Variants in CPS1 observed in about 807,000 individuals in gnomAD.
CPS1 encodes carbamoyl-phosphate synthase [ammonia], mitochondrial.
A neutral mutation model predicts 174.6 loss-of-function variants in CPS1; 109 were observed. The ratio of observed to expected loss-of-function variants is 0.62; its 90% CI spans 0.53 to 0.73. CPS1 has a LOEUF of 0.73. CPS1 is among the 30% of genes least tolerant of loss of function. CPS1 has a pLI of 0.00. For synonymous variants in CPS1, 637 were observed against 632.0 expected, an observed-to-expected ratio of 1.01 and a Z score of -0.12; for missense variants, 1,689 against 1,821.9, an observed-to-expected ratio of 0.93 and a Z score of 1.33.
intron 1 of CPS1, among the ~76,000 whole-genome samples, chr2:210,484,950 C>G (rs928525163): frequency 6.6e-6 from 1 of 151,926 alleles, no homozygotes; most frequent in African/African-American, 2.4e-5. Context: ...AGATCTTGGC[C>G]AGGCATGGTG....
intron 1 of CPS1, among the ~76,000 whole-genome samples, chr2:210,529,472 T>C (rs568160488): frequency 1.3e-5 from 2 of 152,180 alleles, no homozygotes; most frequent in Admixed American, 1.3e-4. Context: ...GGAAAGGTTT[T>C]TTCATTTACC....
chr2:210,497,002 C>G (rs1458082935), intron 1 of CPS1, among the ~76,000 whole-genome samples: 1 of 152,118 alleles, frequency 6.6e-6, no homozygotes, highest in Non-Finnish European at 1.5e-5. Flanking sequence ...GAATGGAAAT[C>G]TTTTAACTGA....
intron 1 of CPS1, among the ~76,000 whole-genome samples, chr2:210,567,285 T>G (rs139345666): frequency 0.016 from 2,432 of 152,198 alleles, 53 homozygotes; most frequent in African/African-American, 0.055. Context: ...ATACCAACAT[T>G]TACTGAATGC....
chr2:210,673,636 G>A (rs1701396479), intron 34 of CPS1: 1 of 152,110 alleles, frequency 6.6e-6, no homozygotes, highest in South Asian at 2.1e-4. Context: ...GTAAGGGCAG[G>A]AATCTAGTTT....
At position 210,556,768 on chromosome 2, in the gene CPS1, G is replaced by A; in HGVS notation, c.35G>A (p.Arg12Lys). Residue 12 changes from arginine (R) to lysine (K), a missense_variant, in exon 1 of 38, where the codon AGG becomes AAG. By Grantham distance (26) the Arg-to-Lys change is conservative. Coordinates refer to ENST00000233072, the MANE Select transcript of CPS1 (RefSeq NM_001875.5). ...TRILTAFKVV[R>K]TLKTGFGFTN... ...ATTTTGACAGCTTTCAAAGTGGTGAGGACACTGAAGACTGGTTTTGGCTTT... is the reference window on the plus strand; with the variant it reads ...ATTTTGACAGCTTTCAAAGTGGTGAAGACACTGAAGACTGGTTTTGGCTTT... 6.2e-7 allele frequency: 1 copy of A among 1,613,006 alleles called. No homozygotes were observed. The highest frequency in any genetic ancestry group is 1.1e-5 in the South Asian group (1 of 91,066).
At chr2:210,593,812 A>G (rs1368947954) in intron 11 of CPS1, 3 of 314,888 alleles carry the variant, frequency 9.5e-6, no homozygotes, top group Non-Finnish European at 1.4e-5. Context: ...AATAGCCAAA[A>G]TCAGTATTAT....
At chr2:210,676,319 A>G (rs1424268949) in intron 36 of CPS1, among the ~76,000 whole-genome samples, 2 of 152,190 alleles carry the variant, frequency 1.3e-5, no homozygotes, top group Non-Finnish European at 2.9e-5. Flanking sequence ...GCCTTAGACC[A>G]TGTCATCATT....
Position 210,608,450 on chromosome 2 carries a change from GT to G in CPS1, c.2286del (p.Phe762LeufsTer31). On this transcript the variant is annotated frameshift_variant, in exon 19 of 38. Transcript: ENST00000233072. LOFTEE classifies it high-confidence loss of function. Reference sequence around the variant, plus strand: ...GTCGTATCCGGGAAGACATCAGCCTGTTTTGAACCTAGCCTGGATTACATGG... The same window carrying G: ...GTCGTATCCGGGAAGACATCAGCCTGTTTGAACCTAGCCTGGATTACATGG... ...KNVVSGKTSA[C>X]FEPSLDYMVT... 6.2e-7 allele frequency: 1 copy of G among 1,612,554 alleles called. No homozygotes were observed. Among genetic ancestry groups the G allele is most frequent in the Non-Finnish European group, 8.5e-7 (1 of 1,179,002 alleles).
intron 1 of CPS1, among the ~76,000 whole-genome samples, chr2:210,498,674 T>G (rs1695066466): frequency 6.6e-6 from 1 of 152,154 alleles, no homozygotes; most frequent in African/African-American, 2.4e-5. Context: ...CAGAGATCTA[T>G]CTAGGCATGG....
chr2:210,505,689 C>T (rs986318951), intron 1 of CPS1, among the ~76,000 whole-genome samples: 3 of 152,214 alleles, frequency 2.0e-5, no homozygotes, highest in African/African-American at 7.2e-5. Flanking sequence ...CACTCCCACC[C>T]TAACACTTTG....
chr2:210,595,309 A>G (rs1698448383), intron 12 of CPS1, among the ~76,000 whole-genome samples, 178 bp from the exon 13 acceptor site: 1 of 151,890 alleles, frequency 6.6e-6, no homozygotes, highest in African/African-American at 2.4e-5. Flanking sequence ...GTCACATTGA[A>G]ATCAGAGATG....
intron 1 of CPS1, among the ~76,000 whole-genome samples, chr2:210,535,148 CTG>C (rs1434672058): frequency 2.0e-5 from 3 of 152,174 alleles, no homozygotes; most frequent in Non-Finnish European, 4.4e-5. Flanking sequence ...AAAATAGACT[CTG>C]AAACTCTAGG....
Position 210,582,656 on chromosome 2 carries a change from G to A in CPS1, c.568G>A (p.Val190Met). Residue 190 changes from valine (V) to methionine (M), a missense_variant, in exon 6 of 38, where the codon GTG (valine) becomes ATG (methionine). Val to Met is a conservative substitution (Grantham distance 21). Transcript: ENST00000233072. ...GAAGATTGAATTTGAAGGTCAGCCT[G>A]TGGATTTTGTGGATCCAAATAAACA... Reference protein sequence around the residue: ...LGKIEFEGQPVDFVDPNKQNL... With the variant: ...LGKIEFEGQPMDFVDPNKQNL... The A allele has an allele frequency of 6.2e-7, 1 of 1,613,436 alleles. No homozygotes were observed. The highest frequency in any genetic ancestry group is 8.5e-7 in the Non-Finnish European group (1 of 1,179,532).
At chr2:210,545,764 G>T (rs1008809701) in intron 1 of CPS1, among the ~76,000 whole-genome samples, 7 of 152,028 alleles carry the variant, frequency 4.6e-5, no homozygotes, top group African/African-American at 1.7e-4. Flanking sequence ...TTTGCTCAGT[G>T]TTGATCATCA....
At chr2:210,480,890 T>C (rs1694551602) in intron 1 of CPS1, among the ~76,000 whole-genome samples, 1 of 152,194 alleles carries the variant, frequency 6.6e-6, no homozygotes, top group Non-Finnish European at 1.5e-5. Flanking sequence ...TTCTGTTTCG[T>C]TCATAGTACA....
intron 21 of CPS1, among the ~76,000 whole-genome samples, chr2:210,630,303 G>A (rs956968914): frequency 3.3e-5 from 5 of 151,948 alleles, no homozygotes; most frequent in Non-Finnish European, 5.9e-5. Context: ...TTAAAGATTA[G>A]CAAAAAAGAA....
At chr2:210,489,252 A>G (rs1478650886) in intron 1 of CPS1, among the ~76,000 whole-genome samples, 4 of 152,208 alleles carry the variant, frequency 2.6e-5, no homozygotes, top group Non-Finnish European at 4.4e-5. Context: ...CTTCTCTCCT[A>G]TCTCCTAATG....
chr2:210,545,815 CT>C (rs2106019115), intron 1 of CPS1, among the ~76,000 whole-genome samples: 1 of 152,032 alleles, frequency 6.6e-6, no homozygotes, highest in Admixed American at 6.6e-5. Flanking sequence ...AAGTGTAATT[CT>C]TTTTGTTCTC....
At chr2:210,487,782 T>C (rs1054020609) in intron 1 of CPS1, among the ~76,000 whole-genome samples, 4 of 152,330 alleles carry the variant, frequency 2.6e-5, no homozygotes, top group African/African-American at 9.6e-5. Flanking sequence ...ATAGTAAATT[T>C]ACCTTTGCAC....
Sources: gnomAD v4.1 joint callset for allele counts (sites outside exome capture counted in the v4.1 genomes callset) on GRCh38, gnomAD v4.1.1 for gene constraint, MANE v1.5 for transcripts, NCBI Gene and HGNC (gene_info 2026-07-23, HGNC 2026-07-21) for gene names.